The following VAV2 variants were observed in gnomAD, a reference collection of about 807,000 sequenced individuals.
VAV2 encodes vav guanine nucleotide exchange factor 2, also known as guanine nucleotide exchange factor VAV2.
In VAV2, 67 loss-of-function variants were observed where a neutral mutation model predicts 132.5. The observed-to-expected ratio is 0.51, with a 90% CI of 0.42 to 0.62. The LOEUF (loss-of-function observed/expected upper bound fraction) is 0.62, where lower values mean the gene tolerates loss of function less well. Among genes scored for constraint, VAV2 ranks in the 20% least tolerant of loss-of-function variants. VAV2 has a pLI of 0.00. For missense variants in VAV2, 938 were observed against 1,153.6 expected, an observed-to-expected ratio of 0.81 and a Z score of 2.71; for synonymous variants, 492 against 443.5, an observed-to-expected ratio of 1.11 and a Z score of -1.37.
chr9:133,835,856 G>C (rs1393155494), intron 3 of VAV2, among the ~76,000 whole-genome samples: 1 of 152,194 alleles, frequency 6.6e-6, no homozygotes, highest in Non-Finnish European at 1.5e-5. Flanking sequence ...TGGGCCATTG[G>C]TCAGCGTGCC....
intron 25 of VAV2, among the ~76,000 whole-genome samples, chr9:133,772,780 A>G (rs1833675321): frequency 6.6e-6 from 1 of 152,074 alleles, no homozygotes; most frequent in Non-Finnish European, 1.5e-5. Context: ...TGAGAGATGC[A>G]GGCAGGTGCT....
At chr9:133,940,518 G>A (rs1564483840) in intron 1 of VAV2, among the ~76,000 whole-genome samples, 1 of 152,056 alleles carries the variant, frequency 6.6e-6, no homozygotes, top group African/African-American at 2.4e-5. Flanking sequence ...CAGGACATAC[G>A]CCCCTGCTGA....
At chr9:133,816,039 C>T (rs1297502813) in intron 4 of VAV2, among the ~76,000 whole-genome samples, 1 of 152,212 alleles carries the variant, frequency 6.6e-6, no homozygotes, top group Non-Finnish European at 1.5e-5. Context: ...CCCCAGAGTG[C>T]GTGTGGAGTG....
In VAV2 at chr9:133,885,781, G is replaced by A. The variant is rs939846114; in HGVS notation, c.322-24349C>T. On this transcript the variant is annotated intron_variant, in intron 2 of 29. Coordinates refer to ENST00000371850, the MANE Select transcript of VAV2 (RefSeq NM_001134398.2). The surrounding 1 kb of genome is among the most constrained non-coding windows in gnomAD (Gnocchi z 5.0). ...CTCCCTGACCTCGCAAACCCACCAC[G>A]GTGCCGGCACAAACCCTTCACAAAG... Among the ~76,000 whole-genome samples the A allele has an allele frequency of 2.0e-5, 3 of 152,104 alleles. No homozygotes were observed. The highest frequency in any genetic ancestry group is 6.5e-5 in the Admixed American group (1 of 15,270).
chr9:133,870,345 C>A (rs575523788), intron 2 of VAV2, among the ~76,000 whole-genome samples: 2 of 152,004 alleles, frequency 1.3e-5, no homozygotes, highest in African/African-American at 2.4e-5. Flanking sequence ...TCGAGCCAGG[C>A]AACTAGCAGC....
At chr9:133,888,437 T>C (rs986805334) in intron 2 of VAV2, among the ~76,000 whole-genome samples, 1 of 152,212 alleles carries the variant, frequency 6.6e-6, no homozygotes, top group Non-Finnish European at 1.5e-5. Context: ...ACCTGGATCT[T>C]CCAGGCCTCC....
intron 1 of VAV2, among the ~76,000 whole-genome samples, chr9:133,982,572 C>T (rs953648955): frequency 4.0e-5 from 6 of 151,466 alleles, no homozygotes; most frequent in Admixed American, 1.3e-4. Flanking sequence ...CTCTGGCTGG[C>T]GGGGCAGGAG....
At chr9:133,822,544 G>A (rs575838116) in intron 4 of VAV2, among the ~76,000 whole-genome samples, 1 of 152,272 alleles carries the variant, frequency 6.6e-6, no homozygotes, top group Non-Finnish European at 1.5e-5. Context: ...CACACGCCCT[G>A]GCAGACCCTC....
At position 133,977,909 on chromosome 9, in the gene VAV2, G is replaced by A. The variant is rs183315836; in HGVS notation, c.204+14166C>T. Among the ~76,000 whole-genome samples, 17 of 152,198 alleles carry A rather than the reference G, an allele frequency of 1.1e-4. No individual in the cohort carries two copies. The East Asian group carries it at 3.3e-3, about 29-fold the overall frequency. On this transcript the variant is annotated intron_variant, in intron 1 of 29. Transcript: ENST00000371850. ...GCCCCTCAGCTGGCAAAGGGGATGGGGCGTCCACCTGCCCTGGGGCACGCA... is the reference window on the plus strand; with the variant it reads ...GCCCCTCAGCTGGCAAAGGGGATGGAGCGTCCACCTGCCCTGGGGCACGCA...
chr9:133,987,806 T>C (rs1419723907), intron 1 of VAV2, among the ~76,000 whole-genome samples: 1 of 152,210 alleles, frequency 6.6e-6, no homozygotes, highest in African/African-American at 2.4e-5. Flanking sequence ...ATTGTGGCCA[T>C]ACCCAATTAG....
chr9:133,800,792 G>C (rs954162423), intron 9 of VAV2, among the ~76,000 whole-genome samples: 2 of 152,306 alleles, frequency 1.3e-5, no homozygotes, highest in African/African-American at 4.8e-5. Context: ...CTCACACCAT[G>C]CTCTACCGGG....
intron 1 of VAV2, among the ~76,000 whole-genome samples, chr9:133,959,446 C>T (rs1257262990): frequency 2.0e-5 from 3 of 152,194 alleles, no homozygotes; most frequent in Non-Finnish European, 4.4e-5. Flanking sequence ...CCTCTCACCA[C>T]CCCTTTCACA....
Position 133,788,180 on chromosome 9 carries a change from G to A in VAV2, c.1407+174C>T, listed in dbSNP as rs1330181745. On this transcript the variant is annotated intron_variant, in intron 15 of 29. Coordinates refer to ENST00000371850, the MANE Select transcript of VAV2 (RefSeq NM_001134398.2). This position sits in a 1 kb window ranked among gnomAD's most constrained non-coding sequence, Gnocchi z 5.3. ...TGCTATGAGCAGTGGTCACGACGGC[G>A]AGGCAGTGACTCAGAGAGGAGCCTT... Among the ~76,000 whole-genome samples the A allele has an allele frequency of 6.6e-6, 1 of 152,186 alleles. No homozygotes were observed. Among genetic ancestry groups the A allele is most frequent in the African/African-American group, 2.4e-5 (1 of 41,452 alleles).
intron 2 of VAV2, among the ~76,000 whole-genome samples, chr9:133,892,463 A>G (rs1173413167): frequency 6.6e-6 from 1 of 151,992 alleles, no homozygotes; most frequent in Non-Finnish European, 1.5e-5. Context: ...ACCTCTGTCT[A>G]TAAGCACACT....
chr9:133,835,765 G>T (rs1298642671), intron 3 of VAV2, among the ~76,000 whole-genome samples: 1 of 152,204 alleles, frequency 6.6e-6, no homozygotes, highest in African/African-American at 2.4e-5. Flanking sequence ...CTGTGCTCCT[G>T]CGGGAGGGCA....
Position 133,768,586 on chromosome 9 carries a change from G to T in VAV2, c.2445C>A (p.Pro815=), listed in dbSNP as rs1396019565. ...PSAPFWSVFT[P]RVIGTAVARY... ...TGGCCACAGCTGTGCCGATGACGCG[G>T]GGCGTGAACACTGTTGAGGGAGATG... The change falls in exon 29 of 30, where the codon CCC becomes CCA. Residue 815 remains proline, a synonymous_variant. Transcript: ENST00000371850. This position sits in a 1 kb window ranked among gnomAD's most constrained non-coding sequence, Gnocchi z 5.3. 5 of 1,613,772 alleles carry T rather than the reference G, an allele frequency of 3.1e-6. No homozygotes were observed. Among genetic ancestry groups the T allele is most frequent in the East Asian group, 2.2e-5 (1 of 44,854 alleles).
rs1443036899 is a variant in VAV2 at position 133,838,837 on chromosome 9, TGGTGGATGGATGAATGGGTGGGTGGGTG to T, written c.381-4525_381-4498del. On this transcript the variant is annotated intron_variant, in intron 3 of 29. Coordinates refer to ENST00000371850, the MANE Select transcript of VAV2 (RefSeq NM_001134398.2). The stretch of plus-strand genomic sequence containing the variant: ...TGAATGGATAGGTTGGTGAGTGGGT[TGGTGGATGGATGAATGGGTGGGTGGGTG>T]GGTGGATGGATAGATGGGTGGGTGG... Among the ~76,000 whole-genome samples the T allele has an allele frequency of 1.2e-3, 74 of 59,764 alleles. 1 individual carries two copies. Among genetic ancestry groups the T allele is most frequent in the South Asian group, 2.5e-3 (4 of 1,598 alleles). The allele number at this position is 59,764 out of a possible 152,430, so 39.2% of individuals were successfully genotyped here.
intron 19 of VAV2, 82 bp from the exon 20 acceptor site, chr9:133,780,792 G>A: frequency 8.0e-7 from 1 of 1,244,674 alleles, no homozygotes; most frequent in Non-Finnish European, 1.0e-6. Flanking sequence ...ACCGCCCCGA[G>A]CCTCTGGGCC....
chr9:133,896,580 T>C (rs1296707890), intron 2 of VAV2, among the ~76,000 whole-genome samples: 2 of 152,220 alleles, frequency 1.3e-5, no homozygotes, highest in African/African-American at 4.8e-5. Context: ...GGCTCCACTA[T>C]GCGAAACTTT....
Sources: allele counts gnomAD v4.1 joint callset (sites outside exome capture counted in the v4.1 genomes callset), GRCh38; gene constraint gnomAD v4.1.1; non-coding constraint Gnocchi (gnomAD v3.1); transcripts MANE v1.5; gene names NCBI Gene and HGNC (gene_info 2026-07-23, HGNC 2026-07-21).